The following MYH15 variants were observed in gnomAD, a reference collection of about 807,000 sequenced individuals.
The protein encoded by MYH15 is myosin-15.
A neutral mutation model predicts 240.5 loss-of-function variants in MYH15; 227 were observed. The ratio of observed to expected loss-of-function variants is 0.94; its 90% CI spans 0.85 to 1.05. The LOEUF is 1.05. Ranked by LOEUF, MYH15 falls within the 50% of genes least tolerant of loss-of-function variation. MYH15 has a pLI of 0.00. For missense variants in MYH15, 2,217 were observed against 2,247.5 expected (o/e 0.99, Z 0.27); for synonymous variants, 785 against 796.7 (o/e 0.99, Z 0.25).
chr3:108,440,997 C>T (rs2082879866), intron 23 of MYH15, 21 bp downstream of exon 23: 3 of 1,612,434 alleles, frequency 1.9e-6, no homozygotes, highest in Non-Finnish European at 2.5e-6. Context: ...GCCTTCTTAA[C>T]TAACATTATG....
intron 18 of MYH15, 86 bp from the exon 19 acceptor site, chr3:108,456,969 T>A: frequency 2.1e-6 from 2 of 973,326 alleles, no homozygotes; most frequent in Non-Finnish European, 3.2e-6. Flanking sequence ...CATCTTGGGT[T>A]AAAAAGAAAG....
chr3:108,506,411 T>C (rs2083475790), intron 1 of MYH15, among the ~76,000 whole-genome samples: 1 of 152,130 alleles, frequency 6.6e-6, no homozygotes. Context: ...CAATATGTTA[T>C]TTTTCTCTCT....
intron 14 of MYH15, among the ~76,000 whole-genome samples, chr3:108,466,774 C>T (rs2083122231): frequency 6.6e-6 from 1 of 152,160 alleles, no homozygotes; most frequent in South Asian, 2.1e-4. Context: ...CCTCTCATGG[C>T]CCCGCATGGT....
intron 25 of MYH15, among the ~76,000 whole-genome samples, chr3:108,437,080 ATATAG>A (rs2082844524): frequency 6.6e-6 from 1 of 152,006 alleles, no homozygotes; most frequent in South Asian, 2.1e-4. Flanking sequence ...TTTAATATTT[ATATAG>A]TAAATTATTT....
intron 37 of MYH15, among the ~76,000 whole-genome samples, chr3:108,389,905 C>A (rs767017128): frequency 2.0e-5 from 3 of 152,168 alleles, no homozygotes; most frequent in Non-Finnish European, 4.4e-5. Context: ...TGCCCTGAGG[C>A]AAGAATGTGC....
intron 1 of MYH15, among the ~76,000 whole-genome samples, chr3:108,507,021 A>G (rs1438090772): frequency 6.6e-6 from 1 of 152,024 alleles, no homozygotes; most frequent in Non-Finnish European, 1.5e-5. Context: ...ACAGAGTGAT[A>G]CTCTATCTCA....
intron 32 of MYH15, 88 bp from the exon 33 acceptor site, chr3:108,405,541 C>G (rs762819671): frequency 3.9e-6 from 3 of 775,716 alleles, no homozygotes; most frequent in Non-Finnish European, 5.8e-6. Flanking sequence ...GCTAATGTAG[C>G]TCTCTTAGAG....
intron 31 of MYH15, among the ~76,000 whole-genome samples, chr3:108,408,904 G>A (rs921726128): frequency 1.3e-5 from 2 of 152,208 alleles, no homozygotes; most frequent in Admixed American, 6.5e-5. Flanking sequence ...AGGGGCCCAA[G>A]GAAGACAGTG....
chr3:108,409,193 G>C (rs1302990425), intron 31 of MYH15, among the ~76,000 whole-genome samples: 1 of 152,144 alleles, frequency 6.6e-6, no homozygotes, highest in Non-Finnish European at 1.5e-5. Flanking sequence ...AAGTTACAAA[G>C]ACAAATATGT....
At chr3:108,414,111 T>C in intron 30 of MYH15, 121 bp downstream of exon 30, 4 of 1,065,124 alleles carry the variant, frequency 3.8e-6, no homozygotes, top group Non-Finnish European at 5.4e-6. Flanking sequence ...GTTTTGGGCT[T>C]GTTCCTGCAC....
At chr3:108,454,530 C>T (rs2083003406) in intron 20 of MYH15, among the ~76,000 whole-genome samples, 1 of 152,032 alleles carries the variant, frequency 6.6e-6, no homozygotes, top group African/African-American at 2.4e-5. Flanking sequence ...TATTTTTAGG[C>T]TTTATGGGCT....
chr3:108,510,635 A>C, upstream of MYH15: 4 of 1,564,190 alleles, frequency 2.6e-6, no homozygotes, highest in Non-Finnish European at 3.5e-6. Context: ...GAAATAAGGC[A>C]TCAAGCTCTA....
At chr3:108,500,374 A>C in intron 3 of MYH15, 100 bp from the exon 4 acceptor site, 2 of 1,284,118 alleles carry the variant, frequency 1.6e-6, no homozygotes, top group Non-Finnish European at 2.1e-6. Flanking sequence ...AATATTACTT[A>C]TAAAGGAACT....
At chr3:108,482,403 TGAG>T (rs1159029129) in intron 11 of MYH15, among the ~76,000 whole-genome samples, 1 of 152,188 alleles carries the variant, frequency 6.6e-6, no homozygotes, top group African/African-American at 2.4e-5. Context: ...GCAAAGAACC[TGAG>T]AAGAAGCCAA....
At chr3:108,424,959 C>T (rs2082714414) in intron 27 of MYH15, among the ~76,000 whole-genome samples, 1 of 152,126 alleles carries the variant, frequency 6.6e-6, no homozygotes, top group African/African-American at 2.4e-5. Context: ...AAAGTTGATG[C>T]TAGTAATTGA....
intron 35 of MYH15, 62 bp downstream of exon 35, chr3:108,398,575 G>T: frequency 6.5e-7 from 1 of 1,548,564 alleles, no homozygotes; most frequent in Non-Finnish European, 8.9e-7. Context: ...GCCGCCCCAA[G>T]TGTGGGAACC....
upstream of MYH15, among the ~76,000 whole-genome samples, chr3:108,529,755 A>G (rs2083699628): frequency 6.6e-6 from 1 of 152,174 alleles, no homozygotes; most frequent in Non-Finnish European, 1.5e-5. Context: ...GGGAGCAAAC[A>G]AGGTGAGCTC....
rs756446624 is a variant in MYH15 at position 108,505,781 on chromosome 3, G to A, written c.137C>T (p.Ala46Val). 14 of 1,609,972 alleles carry A rather than the reference G, an allele frequency of 8.7e-6. No individual in the cohort carries two copies. The East Asian group carries it at 2.9e-4, about 34-fold the overall frequency. Residue 46 changes from alanine to valine, a missense_variant, in exon 2 of 41, where the codon GCT becomes GTT. By Grantham distance (64) the Ala-to-Val change is moderately conservative (BLOSUM62 0). Transcript: ENST00000693548. ...ATCATCTTCACTCCCTTTTACCTCAGCCTCGATATAAGCATTCTCACCATC... is the reference window on the plus strand; with the variant it reads ...ATCATCTTCACTCCCTTTTACCTCAACCTCGATATAAGCATTCTCACCATC... ...IPDGENAYIE[A>V]EVKGSEDDGT...
intron 1 of MYH15, among the ~76,000 whole-genome samples, chr3:108,520,366 T>G (rs955041935): frequency 3.3e-5 from 5 of 152,164 alleles, no homozygotes; most frequent in African/African-American, 1.2e-4. Context: ...TTCAATGTAT[T>G]GGTGGAAAAG....
Sources: gnomAD v4.1 joint callset for allele counts (sites outside exome capture counted in the v4.1 genomes callset) on GRCh38, gnomAD v4.1.1 for gene constraint, MANE v1.5 for transcripts, NCBI Gene and HGNC (gene_info 2026-07-23, HGNC 2026-07-21) for gene names.